ADAM22: variants seen among roughly 807,000 people sequenced by gnomAD.
The protein encoded by ADAM22 is disintegrin and metalloproteinase domain-containing protein 22.
Under a neutral mutation model 144.6 loss-of-function variants are expected in ADAM22, and 65 were observed. The observed-to-expected ratio is 0.45, with a 90% CI of 0.37 to 0.55. The LOEUF is 0.55. Ranked by LOEUF, ADAM22 falls within the 20% of genes least tolerant of loss-of-function variation. The pLI is 0.00. For synonymous variants in ADAM22, 391 were observed against 412.6 expected (o/e 0.95, Z 0.63); for missense variants, 974 against 1,184.9 (o/e 0.82, Z 2.61).
chr7:87,998,495 A>T (rs915686072), intron 3 of ADAM22, among the ~76,000 whole-genome samples: 2 of 152,070 alleles, frequency 1.3e-5, no homozygotes, highest in African/African-American at 4.8e-5. Context: ...GGTGCAGGTG[A>T]TTCTCCTGCC....
At chr7:87,946,157 T>C (rs1424857717) in intron 2 of ADAM22, among the ~76,000 whole-genome samples, 2 of 152,128 alleles carry the variant, frequency 1.3e-5, no homozygotes, top group Admixed American at 6.5e-5. Flanking sequence ...TTTTTACTTG[T>C]TTGTTGGCTG....
intron 4 of ADAM22, among the ~76,000 whole-genome samples, chr7:88,089,267 TA>T (rs1819217561): frequency 6.6e-6 from 1 of 151,960 alleles, no homozygotes; most frequent in Admixed American, 6.6e-5. Flanking sequence ...AATATATATA[TA>T]AAAAAAGAAA....
Position 87,934,353 on chromosome 7 carries a change from G to C in ADAM22, c.-113G>C. 1.0e-6 allele frequency: 1 copy of C among 974,598 alleles called. No homozygotes were observed. The highest frequency in any genetic ancestry group is 1.5e-6 in the Non-Finnish European group (1 of 671,612). 60.4% of individuals were successfully genotyped at this position (974,598 alleles called of 1,614,324 possible). On this transcript the variant is annotated 5_prime_UTR_variant, in exon 1 of 32. Coordinates refer to ENST00000413139, the MANE Select transcript of ADAM22 (RefSeq NM_001324418.2). ...CACGGCCGCCGCAGCACCGGCCGGG[G>C]CTGGGTGGAGGTGGCCGCGGGGACC...
intron 5 of ADAM22, among the ~76,000 whole-genome samples, chr7:88,113,699 A>ATATATATATATAT (rs1554478638): frequency 2.5e-5 from 1 of 39,462 alleles, no homozygotes; most frequent in Non-Finnish European, 4.5e-5. Context: ...TAAATAAATA[A>ATATATATATATAT]ATAAATATAT....
intron 2 of ADAM22, among the ~76,000 whole-genome samples, chr7:87,936,533 A>T (rs10263159): frequency 0.027 from 4,039 of 152,214 alleles, 183 homozygotes; most frequent in African/African-American, 0.091. Context: ...AGGATAAATT[A>T]ATGAACCCCC....
chr7:88,073,591 C>T lies in ADAM22; in HGVS notation c.324-2035C>T, dbSNP rs116022092. Among the ~76,000 whole-genome samples, 468 of 152,284 alleles carry T rather than the reference C, an allele frequency of 3.1e-3. 2 individuals carry two copies. Among genetic ancestry groups the T allele is most frequent in the African/African-American group, 0.01 (431 of 41,560 alleles). ...AGACTAAATTCCAATCCTCAAATCA[C>T]GTAATTCACTAAATTAATTTAAAGT... On this transcript the variant is annotated intron_variant, in intron 3 of 31. Transcript: ENST00000413139.
At chr7:88,073,848 A>T (rs2129479893) in intron 3 of ADAM22, among the ~76,000 whole-genome samples, 1 of 152,308 alleles carries the variant, frequency 6.6e-6, no homozygotes, top group Non-Finnish European at 1.5e-5. Flanking sequence ...TGTCTGAGAG[A>T]TACTGGGACA....
chr7:87,936,847 GTA>G (rs1444519213), intron 2 of ADAM22, among the ~76,000 whole-genome samples: 1 of 147,974 alleles, frequency 6.8e-6, no homozygotes, highest in African/African-American at 2.5e-5. Flanking sequence ...ATATGTGTGT[GTA>G]TATATATTAT....
chr7:88,155,705 T>C (rs984544801), intron 21 of ADAM22, among the ~76,000 whole-genome samples, 182 bp from the exon 22 acceptor site: 1 of 152,202 alleles, frequency 6.6e-6, no homozygotes, highest in Non-Finnish European at 1.5e-5. Context: ...AGTAAGAGTT[T>C]CAGTGAAGAC....
At chr7:88,160,935 AG>A (rs1563358577) in intron 22 of ADAM22, among the ~76,000 whole-genome samples, 1 of 152,020 alleles carries the variant, frequency 6.6e-6, no homozygotes, top group Non-Finnish European at 1.5e-5. Flanking sequence ...GGACACAGGA[AG>A]GGGAGCATCA....
intron 3 of ADAM22, among the ~76,000 whole-genome samples, chr7:88,057,226 C>T (rs1808501103): frequency 6.6e-6 from 1 of 151,540 alleles, no homozygotes. Flanking sequence ...TCCCAAAGTT[C>T]TAGGATTACA....
intron 29 of ADAM22, 190 bp from the exon 30 acceptor site, chr7:88,186,425 C>G: frequency 5.0e-6 from 3 of 598,422 alleles, no homozygotes; most frequent in South Asian, 3.9e-5. Flanking sequence ...TTGATTGAGC[C>G]TTGTTGTAGC....
At chr7:88,142,877 C>T in intron 14 of ADAM22, 149 bp from the exon 15 acceptor site, 1 of 497,424 alleles carries the variant, frequency 2.0e-6, no homozygotes, top group Non-Finnish European at 3.6e-6. Flanking sequence ...GAACAAAACT[C>T]TTATAGATTG....
intron 2 of ADAM22, among the ~76,000 whole-genome samples, chr7:87,965,939 C>T (rs1848947703): frequency 6.6e-6 from 1 of 152,236 alleles, no homozygotes; most frequent in Non-Finnish European, 1.5e-5. Flanking sequence ...GCCATTTACT[C>T]ATTTTTCCTC....
At chr7:88,109,389 T>G (rs1471852893) in intron 5 of ADAM22, among the ~76,000 whole-genome samples, 3 of 152,344 alleles carry the variant, frequency 2.0e-5, no homozygotes, top group Non-Finnish European at 4.4e-5. Context: ...TTGTAACCCC[T>G]TATAAAGCTA....
At chr7:88,069,282 C>G (rs1203574105) in intron 3 of ADAM22, among the ~76,000 whole-genome samples, 3 of 151,906 alleles carry the variant, frequency 2.0e-5, no homozygotes, top group Non-Finnish European at 4.4e-5. Context: ...CTCCTTCTAC[C>G]ATATGATGAC....
At chr7:88,190,050 G>A (rs1179784321) in intron 30 of ADAM22, among the ~76,000 whole-genome samples, 1 of 152,186 alleles carries the variant, frequency 6.6e-6, no homozygotes, top group Admixed American at 6.5e-5. Context: ...CTCTCCATGT[G>A]ACTGGCCTGG....
chr7:88,150,912 C>A, intron 18 of ADAM22, 69 bp from the exon 19 acceptor site: 1 of 1,306,968 alleles, frequency 7.7e-7, no homozygotes, highest in Non-Finnish European at 1.1e-6. Flanking sequence ...AAAGTGAAAA[C>A]ATTAAAGGGT....
intron 2 of ADAM22, among the ~76,000 whole-genome samples, chr7:87,977,203 A>T (rs1005879485): frequency 6.6e-6 from 1 of 152,166 alleles, no homozygotes; most frequent in Admixed American, 6.5e-5. Flanking sequence ...TAGACTTTAA[A>T]ACAGAAGAAT....
Sources: gnomAD v4.1 joint callset for allele counts (sites outside exome capture counted in the v4.1 genomes callset) on GRCh38, gnomAD v4.1.1 for gene constraint, MANE v1.5 for transcripts, NCBI Gene and HGNC (gene_info 2026-07-23, HGNC 2026-07-21) for gene names.